NFIB: variants seen among roughly 807,000 people sequenced by gnomAD.
The protein encoded by NFIB is nuclear factor 1 B-type.
Under a neutral mutation model 61.5 loss-of-function variants are expected in NFIB, and 11 were observed. That is an observed-to-expected ratio of 0.18 (90% CI 0.11 to 0.30). The LOEUF is 0.30. Ranked by LOEUF, NFIB falls within the 10% of genes least tolerant of loss-of-function variation. The pLI is 1.00. For missense variants in NFIB, 471 were observed against 608.9 expected, an observed-to-expected ratio of 0.77 and a Z score of 2.38; for synonymous variants, 260 against 216.5, an observed-to-expected ratio of 1.20 and a Z score of -1.76.
At chr9:14,478,374 T>A in the NFIB span, among the ~76,000 whole-genome samples, 8 of 152,314 alleles carry the variant, frequency 5.3e-5, no homozygotes, top group South Asian at 1.2e-3. Flanking sequence ...TCTGCTGTCA[T>A]CTCCTTCCTT....
chr9:14,247,601 C>A (rs2055078780), intron 2 of NFIB, among the ~76,000 whole-genome samples: 1 of 152,202 alleles, frequency 6.6e-6, no homozygotes, highest in Non-Finnish European at 1.5e-5. Flanking sequence ...CCAAAGGCCA[C>A]CGCCACCACT....
chr9:14,259,676 G>A (rs1374037584), intron 2 of NFIB, among the ~76,000 whole-genome samples: 18 of 152,218 alleles, frequency 1.2e-4, no homozygotes, highest in Non-Finnish European at 1.9e-4. Flanking sequence ...AAAGGCAGGC[G>A]GATCACTTGA....
intron 2 of NFIB, among the ~76,000 whole-genome samples, chr9:14,303,011 G>A (rs1043087381): frequency 2.0e-5 from 3 of 152,198 alleles, no homozygotes; most frequent in African/African-American, 2.4e-5. Flanking sequence ...TTTCGTAACA[G>A]TGTGGTGCAG....
At chr9:14,453,777 A>G in the NFIB span, among the ~76,000 whole-genome samples, 1 of 152,194 alleles carries the variant, frequency 6.6e-6, no homozygotes, top group African/African-American at 2.4e-5. Context: ...GTAAATTTTT[A>G]TAACAAAAAG....
chr9:14,378,326 C>T (rs1379859039), intron 1 of NFIB, among the ~76,000 whole-genome samples: 1 of 152,100 alleles, frequency 6.6e-6, no homozygotes, highest in Non-Finnish European at 1.5e-5. Context: ...TTTCACATCC[C>T]TCCTTCCAAC....
chr9:14,129,008 G>T (rs775776674), intron 6 of NFIB, among the ~76,000 whole-genome samples: 7 of 152,042 alleles, frequency 4.6e-5, no homozygotes, highest in Non-Finnish European at 8.8e-5. Context: ...ATTATTATGG[G>T]TCCATTTATT....
intron 1 of NFIB, among the ~76,000 whole-genome samples, chr9:14,388,247 C>A (rs1045251472): frequency 1.3e-5 from 2 of 151,918 alleles, no homozygotes; most frequent in Admixed American, 6.6e-5. Context: ...GTGGTATGCA[C>A]CTGTAGTCCC....
the NFIB span, among the ~76,000 whole-genome samples, chr9:14,420,444 T>TCAAAAAAAAAAAAAAAAAAAAAAAAAAA: frequency 1.3e-4 from 1 of 7,656 alleles, no homozygotes; most frequent in Admixed American, 2.4e-3. Flanking sequence ...AGACTCCGTC[T>TCAAAAAAAAAAAAAAAAAAAAAAAAAAA]CAAAAAAAAA....
At chr9:14,391,574 C>G (rs916488701) in intron 1 of NFIB, among the ~76,000 whole-genome samples, 1 of 152,064 alleles carries the variant, frequency 6.6e-6, no homozygotes, top group Non-Finnish European at 1.5e-5. Flanking sequence ...TGAAATATGA[C>G]TTTTCTCCAG....
intron 2 of NFIB, among the ~76,000 whole-genome samples, chr9:14,270,582 A>C (rs1481025211): frequency 7.2e-5 from 1 of 13,954 alleles, no homozygotes; most frequent in African/African-American, 2.6e-4. Flanking sequence ...TAGATCACAA[A>C]AAAAAAAAAA....
chr9:14,427,948 T>TTTG, the NFIB span, among the ~76,000 whole-genome samples: 6 of 104,034 alleles, frequency 5.8e-5, no homozygotes, highest in African/African-American at 1.9e-4. Flanking sequence ...TTTTTTTTTT[T>TTTG]TTTTTTTTTT....
At chr9:14,293,434 G>T (rs2059227995) in intron 2 of NFIB, among the ~76,000 whole-genome samples, 1 of 152,180 alleles carries the variant, frequency 6.6e-6, no homozygotes, top group Non-Finnish European at 1.5e-5. Context: ...ACCCAAGGTT[G>T]AATTCACATC....
chr9:14,383,125 G>C (rs544531692), intron 1 of NFIB, among the ~76,000 whole-genome samples: 8 of 152,312 alleles, frequency 5.3e-5, no homozygotes, highest in Admixed American at 3.3e-4. Flanking sequence ...CTCTGTCTTT[G>C]AAACTCTTAC....
intron 3 of NFIB, among the ~76,000 whole-genome samples, chr9:14,165,758 A>C (rs2044716565): frequency 6.6e-6 from 1 of 152,182 alleles, no homozygotes; most frequent in Admixed American, 6.5e-5. Flanking sequence ...CAGTCACAAA[A>C]AGACAAATAC....
chr9:14,265,354 G>A (rs779363812), intron 2 of NFIB, among the ~76,000 whole-genome samples: 79 of 152,230 alleles, frequency 5.2e-4, no homozygotes, highest in Admixed American at 4.6e-4. Flanking sequence ...AGCCTTTACG[G>A]AGGTAATTAA....
chr9:14,271,079 T>C (rs1239713956), intron 2 of NFIB, among the ~76,000 whole-genome samples: 1 of 152,018 alleles, frequency 6.6e-6, no homozygotes, highest in Non-Finnish European at 1.5e-5. Flanking sequence ...GCCATAACCA[T>C]GGAGGTGGCT....
chr9:14,249,173 C>T (rs1030029990), intron 2 of NFIB, among the ~76,000 whole-genome samples: 2 of 152,142 alleles, frequency 1.3e-5, no homozygotes, highest in Non-Finnish European at 2.9e-5. Flanking sequence ...CACTGTACGT[C>T]AACTAAATAT....
intron 2 of NFIB, among the ~76,000 whole-genome samples, chr9:14,264,868 A>C (rs1386155846): frequency 3.3e-5 from 5 of 152,224 alleles, no homozygotes; most frequent in African/African-American, 1.2e-4. Context: ...ATAATAATCT[A>C]ATCTAACTTT....
At chr9:14,483,369 T>A in the NFIB span, among the ~76,000 whole-genome samples, 2 of 152,300 alleles carry the variant, frequency 1.3e-5, no homozygotes, top group East Asian at 3.9e-4. Context: ...GAAAAGCATA[T>A]CTTTGCATAC....
Sources: gnomAD v4.1 joint callset for allele counts (sites outside exome capture counted in the v4.1 genomes callset) on GRCh38, gnomAD v4.1.1 for gene constraint, MANE v1.5 for transcripts, NCBI Gene and HGNC (gene_info 2026-07-23, HGNC 2026-07-21) for gene names.